The following GINM1 variants were observed in gnomAD, a reference collection of about 807,000 sequenced individuals.
GINM1 encodes the protein glycoprotein integral membrane protein 1.
A neutral mutation model predicts 37.8 loss-of-function variants in GINM1; 29 were observed. That is an observed-to-expected ratio of 0.77 (90% CI 0.57 to 1.05). The LOEUF (loss-of-function observed/expected upper bound fraction) is 1.05. GINM1 is among the 50% of genes least tolerant of loss of function. The pLI, the probability that GINM1 is intolerant of heterozygous loss-of-function variation, is 0.00. For synonymous variants in GINM1, 143 were observed against 146.2 expected (o/e 0.98, Z 0.16); for missense variants, 377 against 397.9 (o/e 0.95, Z 0.45).
chr6:149,580,290 T>C (rs892164525), intron 5 of GINM1, among the ~76,000 whole-genome samples: 2 of 152,214 alleles, frequency 1.3e-5, no homozygotes, highest in African/African-American at 4.8e-5. Flanking sequence ...TCACAAAATA[T>C]GTAATAAGAC....
chr6:149,570,556 T>A (rs1777804007), intron 1 of GINM1, among the ~76,000 whole-genome samples: 1 of 152,204 alleles, frequency 6.6e-6, no homozygotes, highest in South Asian at 2.1e-4. Context: ...AAATGTATGA[T>A]GTTGGTCTTG....
chr6:149,575,380 G>T (rs1470825418), intron 3 of GINM1, among the ~76,000 whole-genome samples: 1 of 152,202 alleles, frequency 6.6e-6, no homozygotes, highest in Non-Finnish European at 1.5e-5. Flanking sequence ...TGGAAGCATA[G>T]CTTAGCATTT....
intron 4 of GINM1, 93 bp from the exon 5 acceptor site, chr6:149,579,741 A>C: frequency 1.5e-6 from 1 of 658,638 alleles, no homozygotes; most frequent in South Asian, 2.3e-5. Context: ...CACATGTTTT[A>C]GTTATATAAA....
intron 1 of GINM1, among the ~76,000 whole-genome samples, chr6:149,567,949 T>C (rs544392500): frequency 1.3e-5 from 2 of 152,394 alleles, no homozygotes; most frequent in Non-Finnish European, 2.9e-5. Context: ...GACACCTATG[T>C]GTCAATGAGA....
intron 1 of GINM1, among the ~76,000 whole-genome samples, chr6:149,571,516 C>G (rs1021227142): frequency 3.2e-4 from 49 of 151,942 alleles, no homozygotes; most frequent in African/African-American, 1.2e-3. Flanking sequence ...ACATAAAGCT[C>G]AGAAACAGAT....
At chr6:149,570,177 T>A (rs1297769428) in intron 1 of GINM1, among the ~76,000 whole-genome samples, 6 of 87,884 alleles carry the variant, frequency 6.8e-5, no homozygotes, top group African/African-American at 1.2e-4. Flanking sequence ...TATATATATA[T>A]ATATATATAT....
chr6:149,582,378 A>G lies in GINM1; in HGVS notation c.718-62A>G, dbSNP rs117805110. The stretch of plus-strand genomic sequence containing the variant: ...CATCCCAAAGCTAAAACATTAAAAA[A>G]TTTAAAGTTTATTCTTAGAGATTGA... On this transcript the variant is annotated intron_variant, in intron 6 of 7. Transcript: ENST00000367419. 6.1e-4 allele frequency: 852 copies of G among 1,405,744 alleles called. 8 individuals are homozygous for G. In the East Asian group the frequency reaches 0.016, roughly 26 times the overall value. 87.1% of individuals were successfully genotyped at this position (1,405,744 alleles called of 1,614,324 possible). A position where few individuals can be genotyped will look rare whatever the true frequency, so the allele number is the denominator to read the frequency against.
rs1777729958 is a variant in GINM1, at chr6:149,566,963, C to T, written c.120+429C>T. On this transcript the variant is annotated intron_variant, in intron 1 of 7. Coordinates refer to ENST00000367419, the MANE Select transcript of GINM1 (RefSeq NM_138785.5). This position sits in a 1 kb window ranked among gnomAD's most constrained non-coding sequence, Gnocchi z 4.4. Reference sequence around the variant, plus strand: ...CATTTCCAGGCCACTTGTGCCTGCTCGGCCTGCGATCGCGAGGGTCCGCCG... The same window carrying T: ...CATTTCCAGGCCACTTGTGCCTGCTTGGCCTGCGATCGCGAGGGTCCGCCG... Among the ~76,000 whole-genome samples the T allele has an allele frequency of 6.6e-6, 1 of 152,246 alleles. No individual in the cohort carries two copies. The highest frequency in any genetic ancestry group is 2.4e-5 in the African/African-American group (1 of 41,462).
Position 149,572,526 on chromosome 6 carries a change from ATG to A in GINM1, c.201_202del (p.Tyr67Ter), listed in dbSNP as rs1777843740. On this transcript the variant is annotated stop_gained and frameshift_variant, in exon 3 of 8. Transcript: ENST00000367419. LOFTEE classifies it high-confidence loss of function. ...TTTAAGGTTGTTCTTAACATAACCT[ATG>A]AGAGTGGACAGGTGTATGTAAATGA... The A allele has an allele frequency of 6.3e-7, 1 of 1,595,822 alleles. No homozygotes were observed. The highest frequency in any genetic ancestry group is 1.3e-5 in the African/African-American group (1 of 74,270).
At chr6:149,590,194 C>A (rs1778133198) in intron 7 of GINM1, among the ~76,000 whole-genome samples, 1 of 152,130 alleles carries the variant, frequency 6.6e-6, no homozygotes, top group Non-Finnish European at 1.5e-5. Flanking sequence ...TATGGCTGTT[C>A]TTGCAGTTAC....
At chr6:149,579,296 T>C (rs1189179206) in intron 4 of GINM1, among the ~76,000 whole-genome samples, 9 of 152,198 alleles carry the variant, frequency 5.9e-5, no homozygotes, top group Non-Finnish European at 1.5e-5. Flanking sequence ...GTAAATGAAG[T>C]AGAATCGAGA....
intron 3 of GINM1, among the ~76,000 whole-genome samples, chr6:149,575,720 G>A (rs115353730): frequency 1.4e-3 from 218 of 152,318 alleles, no homozygotes; most frequent in African/African-American, 3.9e-3. Context: ...TTGCAAGAGG[G>A]TTGGTGTGCT....
intron 6 of GINM1, chr6:149,582,169 A>C (rs1778012261): frequency 1.9e-6 from 1 of 532,790 alleles, no homozygotes; most frequent in Non-Finnish European, 3.7e-6. Flanking sequence ...AAAACAATAT[A>C]AATAATTTTA....
chr6:149,569,871 A>G (rs1777783308), intron 1 of GINM1, among the ~76,000 whole-genome samples: 3 of 151,844 alleles, frequency 2.0e-5, no homozygotes, highest in Admixed American at 2.0e-4. Flanking sequence ...GAAACTTTTC[A>G]GTGTCCCCAA....
chr6:149,578,889 A>T lies in GINM1; in HGVS notation c.345A>T (p.Leu115Phe), dbSNP rs1172358563. The T allele has an allele frequency of 1.9e-6, 3 of 1,599,376 alleles. No homozygotes were observed. Among genetic ancestry groups the T allele is most frequent in the African/African-American group, 2.7e-5 (2 of 74,684 alleles). Residue 115 changes from leucine (L) to phenylalanine (F), a missense_variant, in exon 4 of 8, where the codon TTA becomes TTT. By Grantham distance (22) the Leu-to-Phe change is conservative. Transcript: ENST00000367419. ...TTGGAATTGTCAGTGTAAGGATTTT[A>T]GTTCATGAGTGGCCTATGACATCTG... ...EYFGIVSVRILVHEWPMTSGS... is the reference protein window; with the variant it reads ...EYFGIVSVRIFVHEWPMTSGS...
intron 7 of GINM1, among the ~76,000 whole-genome samples, chr6:149,589,353 A>G (rs1778119178): frequency 6.6e-6 from 1 of 151,846 alleles, no homozygotes; most frequent in Admixed American, 6.6e-5. Flanking sequence ...GCTCACTGCA[A>G]CCTCAACTTC....
intron 3 of GINM1, among the ~76,000 whole-genome samples, chr6:149,572,981 A>G (rs1777854227): frequency 6.6e-6 from 1 of 152,146 alleles, no homozygotes; most frequent in Non-Finnish European, 1.5e-5. Context: ...TGTTTTTAAT[A>G]ATACTAAATT....
intron 1 of GINM1, among the ~76,000 whole-genome samples, chr6:149,570,242 G>A (rs1237631169): frequency 2.3e-5 from 3 of 128,452 alleles, no homozygotes; most frequent in Admixed American, 8.9e-5. Context: ...CTGCTAAAAG[G>A]CAGAAGCTAT....
chr6:149,589,705 T>C (rs2115064516), intron 7 of GINM1, among the ~76,000 whole-genome samples: 1 of 152,372 alleles, frequency 6.6e-6, no homozygotes, highest in Non-Finnish European at 1.5e-5. Context: ...ATAAACTAAA[T>C]TTCCATATAT....
Sources: allele counts gnomAD v4.1 joint callset (sites outside exome capture counted in the v4.1 genomes callset), GRCh38; gene constraint gnomAD v4.1.1; non-coding constraint Gnocchi (gnomAD v3.1); transcripts MANE v1.5; gene names NCBI Gene and HGNC (gene_info 2026-07-23, HGNC 2026-07-21).